Variants in ANK2 observed in about 807,000 individuals in gnomAD.
The protein encoded by ANK2 is ankyrin-2.
In ANK2, 83 loss-of-function variants were observed where a neutral mutation model predicts 360.5. The ratio of observed to expected loss-of-function variants is 0.23; its 90% CI spans 0.19 to 0.28. The LOEUF is 0.28. Ranked by LOEUF, ANK2 falls within the 10% of genes least tolerant of loss-of-function variation. ANK2 has a pLI of 1.00. For synonymous variants in ANK2, 1,740 were observed against 1,759.5 expected (o/e 0.99, Z 0.28); for missense variants, 4,201 against 4,795.7 (o/e 0.88, Z 3.66).
chr4:113,353,247 A>G lies in ANK2; in HGVS notation c.4629A>G (p.Glu1543=). The G allele has an allele frequency of 6.2e-7, 1 of 1,614,038 alleles. No homozygotes were observed. ...KVKELVKAAE[E]EPGEPFEIVE... is the part of the protein sequence containing the mutation. ...AGGAGCTGGTGAAGGCTGCTGAGGA[A>G]GAGCCAGGAGAGCCTTTTGAAATCG... Residue 1543 remains glutamate (E), a synonymous_variant, in exon 38 of 46, where the codon GAA becomes GAG. Transcript: ENST00000357077.
chr4:113,105,199 T>C (rs1203854065), intron 1 of ANK2, among the ~76,000 whole-genome samples: 1 of 152,162 alleles, frequency 6.6e-6, no homozygotes, highest in Non-Finnish European at 1.5e-5. Context: ...TTAACCTAGG[T>C]TGGAATTATA....
At chr4:113,207,686 C>CAAAA (rs34818513) in intron 4 of ANK2, among the ~76,000 whole-genome samples, 150 of 101,566 alleles carry the variant, frequency 1.5e-3, no homozygotes, top group Non-Finnish European at 2.2e-3. Context: ...GATCACAAAG[C>CAAAA]AAAAAAAAAA....
intron 1 of ANK2, among the ~76,000 whole-genome samples, chr4:112,837,566 ACTCAATATCAGCCCATGAAAGCAGC>A (rs1274149379): frequency 6.6e-6 from 1 of 152,226 alleles, no homozygotes; most frequent in Non-Finnish European, 1.5e-5. Context: ...AAGTGCAGGC[ACTCAATATCAGCCCATGAAAGCAGC>A]CTCAGGGGCT....
At position 113,212,509 on chromosome 4, in the gene ANK2, C is replaced by T. The variant is rs550685375; in HGVS notation, c.384+13400C>T. 6.6e-5 allele frequency among the ~76,000 whole-genome samples: 10 copies of T among 152,262 alleles called. No homozygotes were observed. The South Asian group carries it at 1.5e-3, about 22-fold the overall frequency. ...GTTTTTAAGACTTTAAAATGGCCAG[C>T]GATCTCTTTTGACATTGACTGAGGT... is the stretch of plus-strand genomic sequence containing the variant. On this transcript the variant is annotated intron_variant, in intron 4 of 45. Transcript: ENST00000357077.
chr4:113,068,936 G>A (rs1340187932), intron 1 of ANK2, among the ~76,000 whole-genome samples: 1 of 152,100 alleles, frequency 6.6e-6, no homozygotes, highest in Non-Finnish European at 1.5e-5. Flanking sequence ...GGTGGTGCAT[G>A]CCTATAGTCC....
intron 37 of ANK2, among the ~76,000 whole-genome samples, chr4:113,351,903 A>G (rs549500916): frequency 4.6e-5 from 7 of 152,308 alleles, no homozygotes; most frequent in African/African-American, 1.7e-4. Context: ...TGCTCTGTGG[A>G]AGGGACTCTT....
At chr4:113,331,857 A>T in intron 27 of ANK2, 115 bp from the exon 28 acceptor site, 1 of 952,742 alleles carries the variant, frequency 1.0e-6, no homozygotes, top group African/African-American at 1.6e-5. Flanking sequence ...AACCAAACGC[A>T]GTGTGAAACC....
intron 1 of ANK2, among the ~76,000 whole-genome samples, chr4:113,088,652 A>G (rs937144343): frequency 6.6e-6 from 1 of 152,174 alleles, no homozygotes; most frequent in African/African-American, 2.4e-5. Flanking sequence ...AAAGACGGTG[A>G]AACAGAAATC....
At chr4:113,340,761 C>T (rs1034307462) in intron 32 of ANK2, among the ~76,000 whole-genome samples, 5 of 148,796 alleles carry the variant, frequency 3.4e-5, no homozygotes, top group African/African-American at 1.2e-4. Context: ...TGTTGGTTGC[C>T]AACACTTTAT....
At chr4:112,879,152 T>C (rs1465024520) in intron 1 of ANK2, among the ~76,000 whole-genome samples, 1 of 152,194 alleles carries the variant, frequency 6.6e-6, no homozygotes, top group African/African-American at 2.4e-5. Flanking sequence ...AGGGATGGGT[T>C]GGAGTAAAAG....
At chr4:112,819,947 A>G (rs2056526811) in intron 1 of ANK2, among the ~76,000 whole-genome samples, 1 of 152,226 alleles carries the variant, frequency 6.6e-6, no homozygotes, top group Non-Finnish European at 1.5e-5. Flanking sequence ...CCACATGCCT[A>G]AAACTCTCTG....
chr4:113,323,743 ATC>A, intron 26 of ANK2: 1 of 1,610,240 alleles, frequency 6.2e-7, no homozygotes, highest in Non-Finnish European at 8.5e-7. Context: ...GTGCTAAAGT[ATC>A]TATTCTGTTG....
intron 2 of ANK2, among the ~76,000 whole-genome samples, chr4:112,978,640 G>T (rs554031551): frequency 6.6e-6 from 1 of 152,178 alleles, no homozygotes; most frequent in Admixed American, 6.5e-5. Context: ...CGACCTTGTG[G>T]CATGTATCTG....
At chr4:113,278,866 G>T (rs2061221386) in intron 17 of ANK2, among the ~76,000 whole-genome samples, 1 of 152,090 alleles carries the variant, frequency 6.6e-6, no homozygotes, top group African/African-American at 2.4e-5. Flanking sequence ...GAGAAATAAA[G>T]TCATTAACAT....
At chr4:113,105,836 A>T (rs916000661) in intron 1 of ANK2, among the ~76,000 whole-genome samples, 8 of 152,324 alleles carry the variant, frequency 5.3e-5, no homozygotes, top group Admixed American at 5.2e-4. Context: ...AATGTGTACT[A>T]GTGTACAGTG....
Position 112,975,077 on chromosome 4 carries a change from A to G in ANK2, c.21+70563A>G, listed in dbSNP as rs1466218481. Among the ~76,000 whole-genome samples the G allele has an allele frequency of 3.3e-5, 5 of 152,326 alleles. No homozygotes were observed. The East Asian group carries it at 7.7e-4, about 23-fold the overall frequency. On this transcript the variant is annotated intron_variant, in intron 2 of 30. Transcript: ENST00000503271. ...CCACTCTCAGCCCAGTCCCTTTCAT[A>G]TATCACGTTGCTTTTCATCCAGTCC...
intron 1 of ANK2, among the ~76,000 whole-genome samples, chr4:112,869,138 T>G (rs2071837793): frequency 6.6e-6 from 1 of 152,124 alleles, no homozygotes. Flanking sequence ...TTAAAATTTT[T>G]TATTATTTTT....
At chr4:113,277,970 G>A (rs2060841555) in intron 16 of ANK2, 35 bp downstream of exon 16, 1 of 1,560,980 alleles carries the variant, frequency 6.4e-7, no homozygotes, top group African/African-American at 1.4e-5. Context: ...TTATGTAACA[G>A]TGAAGGTGAT....
At chr4:113,080,526 G>T (rs893226400) in intron 1 of ANK2, among the ~76,000 whole-genome samples, 8 of 152,256 alleles carry the variant, frequency 5.3e-5, no homozygotes, top group Admixed American at 4.6e-4. Context: ...TAAATTGATT[G>T]ATGGGAAAAT....
Sources: gnomAD v4.1 joint callset for allele counts (sites outside exome capture counted in the v4.1 genomes callset) on GRCh38, gnomAD v4.1.1 for gene constraint, MANE v1.5 for transcripts, NCBI Gene and HGNC (gene_info 2026-07-23, HGNC 2026-07-21) for gene names.